GSE1: variants seen among roughly 807,000 people sequenced by gnomAD.
The protein encoded by GSE1 is Gse1 coiled-coil protein, also known as genetic suppressor element 1.
GSE1 carries 32 observed loss-of-function variants against 112.6 expected under a neutral mutation model. The ratio of observed to expected loss-of-function variants is 0.28; its 90% CI spans 0.21 to 0.38. The LOEUF is 0.38. Ranked by LOEUF, GSE1 falls within the 10% of genes least tolerant of loss-of-function variation. The pLI, the probability that GSE1 is intolerant of heterozygous loss-of-function variation, is 1.00. For missense variants in GSE1, 2,348 were observed against 1,699.2 expected, an observed-to-expected ratio of 1.38 and a Z score of -6.71; for synonymous variants, 1,115 against 735.6, an observed-to-expected ratio of 1.52 and a Z score of -8.35.
At chr16:85,575,715 A>G (rs2046201819) in intron 1 of GSE1, among the ~76,000 whole-genome samples, 1 of 152,126 alleles carries the variant, frequency 6.6e-6, no homozygotes, top group Non-Finnish European at 1.5e-5. Context: ...TTATGGAAGA[A>G]TGTCCTTTTA....
At chr16:85,633,026 G>GCCGCCA (rs1365171196) in intron 1 of GSE1, among the ~76,000 whole-genome samples, 3 of 152,278 alleles carry the variant, frequency 2.0e-5, no homozygotes, top group Admixed American at 6.5e-5. Flanking sequence ...CGCCGCCGCC[G>GCCGCCA]CCGCTGTCAC....
At chr16:85,348,296 T>TC (rs926676142) in intron 1 of GSE1, among the ~76,000 whole-genome samples, 44 of 151,256 alleles carry the variant, frequency 2.9e-4, no homozygotes, top group African/African-American at 1.0e-3. Flanking sequence ...CATCCACTGT[T>TC]CATCCATCCA....
intron 2 of GSE1, among the ~76,000 whole-genome samples, chr16:85,386,574 A>G (rs1359522667): frequency 6.6e-6 from 1 of 152,198 alleles, no homozygotes; most frequent in Non-Finnish European, 1.5e-5. Flanking sequence ...GGCTCAGAGC[A>G]TGGCTTCTGG....
intron 2 of GSE1, among the ~76,000 whole-genome samples, chr16:85,426,458 GAGAA>G (rs1206044578): frequency 1.1e-5 from 1 of 94,166 alleles, no homozygotes; most frequent in Admixed American, 1.2e-4. Flanking sequence ...GGAAGGAAGG[GAGAA>G]AGGGAGGGAG....
intron 1 of GSE1, among the ~76,000 whole-genome samples, chr16:85,331,473 GTA>G (rs1217059211): frequency 1.5e-5 from 2 of 130,348 alleles, no homozygotes; most frequent in African/African-American, 2.7e-5. Flanking sequence ...GTGTATATAT[GTA>G]TATATGTGTA....
Position 85,655,713 on chromosome 16 carries a change from C to T in GSE1, c.798-13C>T, listed in dbSNP as rs373629509. On this transcript the variant is annotated splice_polypyrimidine_tract_variant and intron_variant, in intron 5 of 15. Transcript: ENST00000253458. ...GTTCATTTGCTGCTCACAGCCCCGTCTTCTCTGCACAGGATGGACGACTCC... is the reference window on the plus strand; with the variant it reads ...GTTCATTTGCTGCTCACAGCCCCGTTTTCTCTGCACAGGATGGACGACTCC... 25 of 1,571,198 alleles carry T rather than the reference C, an allele frequency of 1.6e-5. No individual in the cohort carries two copies. The Middle Eastern group carries it at 1.0e-3, about 64-fold the overall frequency.
intron 1 of GSE1, among the ~76,000 whole-genome samples, chr16:85,354,774 C>T (rs61354315): frequency 4.2e-4 from 64 of 152,342 alleles, no homozygotes; most frequent in African/African-American, 1.1e-3. Flanking sequence ...CTGGAGCTGC[C>T]GTCTGTGCTG....
chr16:85,587,480 G>A (rs1203314579), intron 1 of GSE1, among the ~76,000 whole-genome samples: 2 of 152,182 alleles, frequency 1.3e-5, no homozygotes, highest in Non-Finnish European at 2.9e-5. Flanking sequence ...GGCTTCAGAG[G>A]GGGAGGGGGA....
chr16:85,638,433 G>A (rs2050179786), intron 2 of GSE1, among the ~76,000 whole-genome samples: 1 of 152,192 alleles, frequency 6.6e-6, no homozygotes, highest in African/African-American at 2.4e-5. Flanking sequence ...GGCGCTTTGG[G>A]CAAGGGCAGA....
At chr16:85,574,752 T>G (rs1341656251) in intron 1 of GSE1, among the ~76,000 whole-genome samples, 2 of 152,242 alleles carry the variant, frequency 1.3e-5, no homozygotes, top group East Asian at 3.9e-4. Flanking sequence ...GAGATTTGGC[T>G]GGTCTCCTCC....
At chr16:85,337,538 C>T (rs2046525298) in intron 1 of GSE1, among the ~76,000 whole-genome samples, 1 of 152,094 alleles carries the variant, frequency 6.6e-6, no homozygotes, top group Non-Finnish European at 1.5e-5. Context: ...ATCTCCTGAC[C>T]TCGTGATCCG....
chr16:85,476,341 G>A (rs930534506), intron 2 of GSE1, among the ~76,000 whole-genome samples: 3 of 152,154 alleles, frequency 2.0e-5, no homozygotes, highest in African/African-American at 2.4e-5. Context: ...GGCACCTGCC[G>A]AGGCTGGGTT....
At chr16:85,210,327 T>C (rs1045503195) in intron 1 of GSE1, among the ~76,000 whole-genome samples, 4 of 152,142 alleles carry the variant, frequency 2.6e-5, no homozygotes, top group African/African-American at 9.7e-5. Flanking sequence ...CACAGTAAGG[T>C]GTGATTGACA....
intron 2 of GSE1, among the ~76,000 whole-genome samples, chr16:85,645,166 G>A (rs1164930413): frequency 1.3e-5 from 2 of 151,758 alleles, no homozygotes; most frequent in African/African-American, 2.4e-5. Context: ...GAGTTCTCAG[G>A]GTGTGGGCAG....
intron 2 of GSE1, among the ~76,000 whole-genome samples, chr16:85,641,486 G>A (rs371910569): frequency 1.3e-5 from 2 of 152,158 alleles, no homozygotes; most frequent in Non-Finnish European, 2.9e-5. Context: ...GCCGCGGGTC[G>A]GGAGAGCCCT....
At chr16:85,316,141 G>A (rs144945755) in intron 1 of GSE1, among the ~76,000 whole-genome samples, 1 of 152,368 alleles carries the variant, frequency 6.6e-6, no homozygotes, top group East Asian at 1.9e-4. Flanking sequence ...CGAGCTCCCT[G>A]AGTAACTCGG....
At chr16:85,349,623 C>T (rs563334532) in intron 1 of GSE1, among the ~76,000 whole-genome samples, 122 of 152,222 alleles carry the variant, frequency 8.0e-4, no homozygotes, top group Middle Eastern at 6.8e-3. Context: ...ACCCTGCCAG[C>T]GCCCTGGGGA....
At chr16:85,182,711 A>C (rs1007470895) in intron 1 of GSE1, among the ~76,000 whole-genome samples, 6 of 152,110 alleles carry the variant, frequency 3.9e-5, no homozygotes, top group African/African-American at 1.4e-4. Flanking sequence ...GGTGCAGTGC[A>C]GGTCTTCAGG....
At chr16:85,562,160 T>C (rs2045550316) in intron 1 of GSE1, among the ~76,000 whole-genome samples, 1 of 150,802 alleles carries the variant, frequency 6.6e-6, no homozygotes, top group African/African-American at 2.5e-5. Context: ...GAAAGCTGCT[T>C]ATTTACAGCT....
Sources: allele counts gnomAD v4.1 joint callset (sites outside exome capture counted in the v4.1 genomes callset), GRCh38; gene constraint gnomAD v4.1.1; transcripts MANE v1.5; gene names NCBI Gene and HGNC (gene_info 2026-07-23, HGNC 2026-07-21).